SIPA1L2: variants seen among roughly 807,000 people sequenced by gnomAD.
SIPA1L2 encodes signal-induced proliferation-associated 1-like protein 2.
In SIPA1L2, 56 loss-of-function variants were observed where a neutral mutation model predicts 163.9. The observed-to-expected ratio is 0.34, with a 90% CI of 0.28 to 0.43. SIPA1L2 has a LOEUF of 0.43. Ranked by LOEUF, SIPA1L2 falls within the 20% of genes least tolerant of loss-of-function variation. The pLI, the probability that SIPA1L2 is intolerant of heterozygous loss-of-function variation, is 1.00. For synonymous variants in SIPA1L2, 877 were observed against 865.7 expected (o/e 1.01, Z -0.23); for missense variants, 1,974 against 2,193.5 (o/e 0.90, Z 2.00).
intron 7 of SIPA1L2, among the ~76,000 whole-genome samples, chr1:232,472,077 C>T (rs1015508180): frequency 6.6e-6 from 1 of 152,202 alleles, no homozygotes; most frequent in African/African-American, 2.4e-5. Flanking sequence ...ACACAGAATT[C>T]AACTGGATTA....
chr1:232,513,751 C>T, intron 3 of SIPA1L2, 106 bp downstream of exon 3: 1 of 1,214,740 alleles, frequency 8.2e-7, no homozygotes, highest in South Asian at 1.5e-5. Flanking sequence ...TGGACTATGG[C>T]CTTGGACACT....
At chr1:232,407,074 T>C (rs1171546433) in intron 19 of SIPA1L2, among the ~76,000 whole-genome samples, 1 of 152,244 alleles carries the variant, frequency 6.6e-6, no homozygotes, top group Non-Finnish European at 1.5e-5. Context: ...AGCCCATCCA[T>C]GCATGTAAAA....
chr1:232,460,990 C>G lies in SIPA1L2; in HGVS notation c.2992G>C (p.Ala998Pro), dbSNP rs1482802871. The change falls in exon 10 of 23, where the codon GCC becomes CCC. Residue 998 changes from alanine to proline, a missense_variant. Coordinates refer to ENST00000674635, the MANE Select transcript of SIPA1L2 (RefSeq NM_020808.5). ...TGCTCGTGGGTCAGAGTGGCCACGGCTACTTTGCAGATCTCCACGAGGCGG... is the reference window on the plus strand; with the variant it reads ...TGCTCGTGGGTCAGAGTGGCCACGGGTACTTTGCAGATCTCCACGAGGCGG... ...GSRLVEICKV[A>P]VATLTHEQMI... 6.2e-7 allele frequency: 1 copy of G among 1,614,144 alleles called. No homozygotes were observed. The highest frequency in any genetic ancestry group is 1.3e-5 in the African/African-American group (1 of 74,952).
At chr1:232,510,851 A>T (rs573728504) in intron 3 of SIPA1L2, among the ~76,000 whole-genome samples, 222 of 152,330 alleles carry the variant, frequency 1.5e-3, no homozygotes, top group Non-Finnish European at 2.7e-3. Flanking sequence ...AGACGCTGGC[A>T]CTAAGTTTTG....
intron 18 of SIPA1L2, among the ~76,000 whole-genome samples, chr1:232,420,368 G>A (rs982204307): frequency 3.9e-5 from 6 of 152,282 alleles, no homozygotes; most frequent in Admixed American, 2.0e-4. Flanking sequence ...ACCTGAAGGA[G>A]CAAGAGCAAT....
At chr1:232,529,158 AGG>A (rs1667856134) in intron 2 of SIPA1L2, among the ~76,000 whole-genome samples, 1 of 152,216 alleles carries the variant, frequency 6.6e-6, no homozygotes, top group Admixed American at 6.5e-5. Flanking sequence ...TATGATACAC[AGG>A]TGTCTCAGTT....
chr1:232,589,557 G>A (rs1314586733), intron 1 of SIPA1L2, among the ~76,000 whole-genome samples: 1 of 152,182 alleles, frequency 6.6e-6, no homozygotes, highest in Non-Finnish European at 1.5e-5. Flanking sequence ...GTCTGTTGGG[G>A]AATCAAAATA....
intron 2 of SIPA1L2, among the ~76,000 whole-genome samples, chr1:232,565,629 A>C (rs1659355150): frequency 6.6e-6 from 1 of 152,242 alleles, no homozygotes; most frequent in South Asian, 2.1e-4. Flanking sequence ...CCAAGAATTA[A>C]ATCTGAACTT....
At chr1:232,595,418 A>C (rs870743) in intron 1 of SIPA1L2, among the ~76,000 whole-genome samples, 4 of 152,090 alleles carry the variant, frequency 2.6e-5, no homozygotes, top group Non-Finnish European at 4.4e-5. Context: ...AAGGGCGGCC[A>C]GAGGTCGGAA....
rs76178660 is a variant in SIPA1L2 at position 232,465,483 on chromosome 1, T to A, written c.2244-67A>T. The A allele has an allele frequency of 2.2e-6, 3 of 1,333,910 alleles. No individual in the cohort carries two copies. Among genetic ancestry groups the A allele is most frequent in the South Asian group, 1.4e-5 (1 of 71,972 alleles). The allele number at this position is 1,333,910 out of a possible 1,614,324, so 82.6% of individuals were successfully genotyped here. A position where few individuals can be genotyped will look rare whatever the true frequency, so the allele number is the denominator to read the frequency against. On this transcript the variant is annotated intron_variant, in intron 8 of 22. Transcript: ENST00000674635. This position sits in a 1 kb window ranked among gnomAD's most constrained non-coding sequence, Gnocchi z 4.1. ...TACCATAATATGTATCTTTCCGAAT[T>A]TGACATATATATACACACACACACA...
In SIPA1L2 at chr1:232,471,393, A is replaced by G. The variant is rs778587261; in HGVS notation, c.2221T>C (p.Cys741Arg). 1 of 1,613,852 alleles carries G rather than the reference A, an allele frequency of 6.2e-7. No homozygotes were observed. The highest frequency in any genetic ancestry group is 8.5e-7 in the Non-Finnish European group (1 of 1,179,932). ...VFVIVKVHNPCTENVCYSVGV... is the reference protein window; with the variant it reads ...VFVIVKVHNPRTENVCYSVGV... Reference sequence around the variant, plus strand: ...CACCTATAACACACATTTTCGGTACATGGATTATGCACTTTGACTATGACA... The same window carrying G: ...CACCTATAACACACATTTTCGGTACGTGGATTATGCACTTTGACTATGACA... Residue 741 changes from cysteine (C) to arginine (R), a missense_variant, in exon 8 of 23, where the codon TGT becomes CGT. Cys to Arg is a radical substitution (Grantham distance 180, BLOSUM62 -3). Transcript: ENST00000674635.
intron 1 of SIPA1L2, among the ~76,000 whole-genome samples, chr1:232,617,814 A>C (rs1300468690): frequency 2.6e-5 from 4 of 152,250 alleles, no homozygotes; most frequent in African/African-American, 9.6e-5. Flanking sequence ...TGATACACTT[A>C]AGATTTGTGC....
chr1:232,503,857 T>C (rs1225137070), intron 3 of SIPA1L2, among the ~76,000 whole-genome samples: 1 of 152,044 alleles, frequency 6.6e-6, no homozygotes, highest in Non-Finnish European at 1.5e-5. Flanking sequence ...TTTCGAACAC[T>C]CTAGAGTTAT....
At chr1:232,566,075 T>C (rs981858609) in intron 2 of SIPA1L2, among the ~76,000 whole-genome samples, 10 of 152,218 alleles carry the variant, frequency 6.6e-5, no homozygotes, top group Admixed American at 1.3e-4. Context: ...TAGGAAAATA[T>C]AGATGTTGGA....
At chr1:232,483,753 A>G (rs1218980883) in intron 6 of SIPA1L2, 39 bp downstream of exon 6, 1 of 1,609,652 alleles carries the variant, frequency 6.2e-7, no homozygotes, top group African/African-American at 1.3e-5. Flanking sequence ...CTACCTTTGG[A>G]GAATTAAAAA....
intron 1 of SIPA1L2, among the ~76,000 whole-genome samples, chr1:232,622,204 C>A (rs974554644): frequency 6.6e-6 from 1 of 152,154 alleles, no homozygotes; most frequent in African/African-American, 2.4e-5. Flanking sequence ...AGAATGACAT[C>A]CCTCTAATGT....
intron 7 of SIPA1L2, among the ~76,000 whole-genome samples, chr1:232,472,517 GACC>G (rs1197721406): frequency 1.3e-5 from 2 of 152,232 alleles, no homozygotes; most frequent in East Asian, 3.9e-4. Context: ...TTAAAATTGT[GACC>G]ACTTCTTTCC....
At chr1:232,584,628 T>C (rs61825455) in intron 1 of SIPA1L2, among the ~76,000 whole-genome samples, 18,450 of 152,276 alleles carry the variant, frequency 0.12, 1,357 homozygotes, top group Middle Eastern at 0.22. Flanking sequence ...TTTCCTCTCA[T>C]TAATCTACCT....
At position 232,439,148 on chromosome 1, in the gene SIPA1L2, C is replaced by T. The variant is rs35510641; in HGVS notation, c.3991G>A (p.Gly1331Ser). The change falls in exon 15 of 23, where the codon GGC becomes AGC. Residue 1331 changes from glycine to serine, a missense_variant. Around this residue, in one of 3 missense-constraint regions of SIPA1L2, gnomAD observed 1,079 missense variants for 1,150.7 expected, o/e 0.94. Coordinates refer to ENST00000674635, the MANE Select transcript of SIPA1L2 (RefSeq NM_020808.5). ...STISAGSAAEGSMGDLSEISS... is the reference protein window; with the variant it reads ...STISAGSAAESSMGDLSEISS... ...ATCTCACTGAGATCGCCCATGCTGCCTTCCGCAGCACTGCCGGCGGAGATG... is the reference window on the plus strand; with the variant it reads ...ATCTCACTGAGATCGCCCATGCTGCTTTCCGCAGCACTGCCGGCGGAGATG... 8.4e-5 allele frequency: 136 copies of T among 1,612,684 alleles called. No homozygotes were observed. Among genetic ancestry groups the T allele is most frequent in the Non-Finnish European group, 1.1e-4 (132 of 1,179,604 alleles).
Sources: allele counts gnomAD v4.1 joint callset (sites outside exome capture counted in the v4.1 genomes callset), GRCh38; gene constraint gnomAD v4.1.1; regional missense constraint gnomAD v4.1.1; non-coding constraint Gnocchi (gnomAD v3.1); transcripts MANE v1.5; gene names NCBI Gene and HGNC (gene_info 2026-07-23, HGNC 2026-07-21).